Variants in ZMIZ1 observed in about 807,000 individuals in gnomAD.
The protein encoded by ZMIZ1 is zinc finger MIZ domain-containing protein 1.
Under a neutral mutation model 113.9 loss-of-function variants are expected in ZMIZ1, and 17 were observed. That is an observed-to-expected ratio of 0.15 (90% confidence interval 0.10 to 0.22). ZMIZ1 has a LOEUF of 0.22. Among genes scored for constraint, ZMIZ1 ranks in the 10% least tolerant of loss-of-function variants. The pLI is 1.00. For synonymous variants in ZMIZ1, 607 were observed against 603.1 expected (o/e 1.01, Z -0.09); for missense variants, 1,059 against 1,477.8 (o/e 0.72, Z 4.65).
At chr10:79,150,113 A>G (rs2132447875) in intron 3 of ZMIZ1, among the ~76,000 whole-genome samples, 1 of 152,242 alleles carries the variant, frequency 6.6e-6, no homozygotes, top group Admixed American at 6.5e-5. Flanking sequence ...GATGGGGCTC[A>G]GGGTGGCCTG....
chr10:79,129,034 C>T (rs1027725063), intron 2 of ZMIZ1, among the ~76,000 whole-genome samples: 1 of 152,150 alleles, frequency 6.6e-6, no homozygotes, highest in Non-Finnish European at 1.5e-5. Flanking sequence ...TTAGCTGGTA[C>T]TCATAGTAGT....
At chr10:79,306,820 G>A (rs1250556) in intron 22 of ZMIZ1, among the ~76,000 whole-genome samples, 40,082 of 152,066 alleles carry the variant, frequency 0.26, 6,726 homozygotes, top group East Asian at 0.41. Context: ...CCTGGGATCC[G>A]TGATCTTAGG....
At chr10:79,270,049 G>A (rs1265765080) in intron 7 of ZMIZ1, among the ~76,000 whole-genome samples, 1 of 152,230 alleles carries the variant, frequency 6.6e-6, no homozygotes, top group Non-Finnish European at 1.5e-5. Context: ...GCCAGTCCTG[G>A]GCGTCTGTGC....
At chr10:79,071,212 C>T (rs999717979) in intron 1 of ZMIZ1, among the ~76,000 whole-genome samples, 37 of 152,292 alleles carry the variant, frequency 2.4e-4, no homozygotes, top group Non-Finnish European at 2.1e-4. Flanking sequence ...CAAGGGTTTT[C>T]TGAAGGATTT....
At chr10:79,105,787 C>T (rs1017159487) in intron 1 of ZMIZ1, among the ~76,000 whole-genome samples, 7 of 152,142 alleles carry the variant, frequency 4.6e-5, no homozygotes, top group African/African-American at 1.4e-4. Flanking sequence ...AGTATTTATG[C>T]AAAAGTTGTG....
chr10:79,244,197 A>T (rs956531232), intron 7 of ZMIZ1, among the ~76,000 whole-genome samples: 3 of 152,228 alleles, frequency 2.0e-5, no homozygotes, highest in Non-Finnish European at 4.4e-5. Flanking sequence ...GGCACTGGTG[A>T]TGCCACCATT....
At chr10:79,078,570 CTTTT>C (rs34178865) in intron 1 of ZMIZ1, among the ~76,000 whole-genome samples, 3 of 87,810 alleles carry the variant, frequency 3.4e-5, no homozygotes, top group Admixed American at 2.7e-4. Context: ...CCACCCCCGA[CTTTT>C]TTTTTTTTTT....
chr10:79,112,582 T>C (rs1168654597), intron 1 of ZMIZ1, among the ~76,000 whole-genome samples: 2 of 151,978 alleles, frequency 1.3e-5, no homozygotes, highest in African/African-American at 4.8e-5. Flanking sequence ...TCTGTCCTTG[T>C]ACAGAGGAGG....
At chr10:79,297,550 G>T (rs1266498581) in intron 13 of ZMIZ1, 63 bp from the exon 14 acceptor site, 1 of 1,410,448 alleles carries the variant, frequency 7.1e-7, no homozygotes, top group African/African-American at 1.4e-5. Context: ...CTGTCCAGAG[G>T]GAGAGCGGGC....
intron 4 of ZMIZ1, among the ~76,000 whole-genome samples, chr10:79,190,837 G>A (rs140007985): frequency 1.3e-5 from 2 of 152,292 alleles, no homozygotes; most frequent in African/African-American, 4.8e-5. Context: ...ACCTGGCTGT[G>A]ACTCTCAGTT....
At chr10:79,099,643 G>A (rs780516822) in intron 1 of ZMIZ1, among the ~76,000 whole-genome samples, 6 of 152,202 alleles carry the variant, frequency 3.9e-5, no homozygotes, top group Non-Finnish European at 8.8e-5. Flanking sequence ...ACGTCCCAGT[G>A]TGGAGCCCAA....
chr10:79,230,870 AAAAC>A (rs1324892291), intron 7 of ZMIZ1, among the ~76,000 whole-genome samples: 5 of 152,254 alleles, frequency 3.3e-5, no homozygotes, highest in Non-Finnish European at 2.9e-5. Flanking sequence ...TGGGAGGAGA[AAAAC>A]AAAAGAGAAG....
At position 79,177,042 on chromosome 10, in the gene ZMIZ1, G is replaced by A. The variant is rs1042663674; in HGVS notation, c.-50+14909G>A. 3.3e-5 allele frequency among the ~76,000 whole-genome samples: 5 copies of A among 152,324 alleles called. No individual in the cohort carries two copies. In the South Asian group the frequency reaches 1.0e-3, roughly 32 times the overall value. ...CCCCCTGGGTCCTGGGACCCCACCC[G>A]GCCTGTCTCGGTTCCCAGCTGCAGC... On this transcript the variant is annotated intron_variant, in intron 4 of 24. Coordinates refer to ENST00000334512, the MANE Select transcript of ZMIZ1 (RefSeq NM_020338.4).
rs765754688 is a variant in ZMIZ1 at position 79,298,512 on chromosome 10, G to C, written c.1598G>C (p.Ser533Thr). 2 of 1,601,620 alleles carry C rather than the reference G, an allele frequency of 1.2e-6. No homozygotes were observed. The highest frequency in any genetic ancestry group is 4.6e-5 in the East Asian group (2 of 43,014). Residue 533 changes from serine to threonine, a missense_variant, in exon 15 of 25, where the codon AGC (serine) becomes ACC (threonine). Ser to Thr is a moderately conservative substitution (Grantham distance 58). Coordinates refer to ENST00000334512, the MANE Select transcript of ZMIZ1 (RefSeq NM_020338.4). Reference protein sequence around the residue: ...GSSIPPYLSPSQDVKPPFPPD... With the variant: ...GSSIPPYLSPTQDVKPPFPPD... Reference sequence around the variant, plus strand: ...AGCATCCCTCCATACCTGTCCCCCAGCCAAGACGTCAAACCACCCTTCCCG... The same window carrying C: ...AGCATCCCTCCATACCTGTCCCCCACCCAAGACGTCAAACCACCCTTCCCG...
At chr10:79,139,649 C>T (rs900428787) in intron 2 of ZMIZ1, 33 bp from the exon 3 acceptor site, 1 of 398,540 alleles carries the variant, frequency 2.5e-6, no homozygotes. Flanking sequence ...GGCCTGCTCT[C>T]ACACACGTCT....
intron 7 of ZMIZ1, among the ~76,000 whole-genome samples, chr10:79,229,961 C>T (rs1277146808): frequency 6.6e-6 from 1 of 152,144 alleles, no homozygotes; most frequent in Non-Finnish European, 1.5e-5. Flanking sequence ...TGCTTCTTTC[C>T]CAGGTGAGGA....
At chr10:79,273,474 C>G (rs1315980269) in intron 7 of ZMIZ1, among the ~76,000 whole-genome samples, 1 of 152,224 alleles carries the variant, frequency 6.6e-6, no homozygotes, top group Non-Finnish European at 1.5e-5. Context: ...CAATTCTGCT[C>G]AGCCTCCCGA....
At chr10:79,301,067 C>A in intron 17 of ZMIZ1, 125 bp downstream of exon 17, 2 of 1,372,192 alleles carry the variant, frequency 1.5e-6, no homozygotes, top group Non-Finnish European at 2.0e-6. Flanking sequence ...CCCGTGCCCA[C>A]AGCCGCCAAA....
At chr10:79,276,271 C>T (rs1183553875) in intron 7 of ZMIZ1, among the ~76,000 whole-genome samples, 1 of 152,244 alleles carries the variant, frequency 6.6e-6, no homozygotes, top group Admixed American at 6.5e-5. Flanking sequence ...CAGCCCTCAG[C>T]GTCCTCATGT....
Sources: allele counts gnomAD v4.1 joint callset (sites outside exome capture counted in the v4.1 genomes callset), GRCh38; gene constraint gnomAD v4.1.1; transcripts MANE v1.5; gene names NCBI Gene and HGNC (gene_info 2026-07-23, HGNC 2026-07-21).